The following USP37 variants were observed in gnomAD, a reference collection of about 807,000 sequenced individuals.
USP37 encodes ubiquitin specific peptidase 37.
USP37 carries 27 observed loss-of-function variants against 124.0 expected under a neutral mutation model. The ratio of observed to expected loss-of-function variants is 0.22; its 90% CI spans 0.16 to 0.30. The LOEUF is 0.30. USP37 is among the 10% of genes least tolerant of loss of function. USP37 has a pLI of 1.00. For missense variants in USP37, 889 were observed against 1,140.4 expected, an observed-to-expected ratio of 0.78 and a Z score of 3.17; for synonymous variants, 365 against 388.0, an observed-to-expected ratio of 0.94 and a Z score of 0.70.
At chr2:218,557,857 G>C (rs1019530622) in intron 4 of USP37, among the ~76,000 whole-genome samples, 8 of 135,050 alleles carry the variant, frequency 5.9e-5, no homozygotes, top group Non-Finnish European at 1.1e-4. Context: ...CTTGAACCCG[G>C]GAGGCAGAGG....
At chr2:218,482,388 GT>G (rs1275888967) in intron 16 of USP37, among the ~76,000 whole-genome samples, 154 bp from the exon 17 acceptor site, 2 of 152,208 alleles carry the variant, frequency 1.3e-5, no homozygotes, top group African/African-American at 4.8e-5. Context: ...CTGAATACCT[GT>G]TAGTGCCAGG....
intron 10 of USP37, among the ~76,000 whole-genome samples, chr2:218,517,630 C>T (rs551465559): frequency 8.2e-4 from 125 of 152,196 alleles, no homozygotes; most frequent in African/African-American, 2.8e-3. Context: ...TGTTTTCTCC[C>T]GGTTGCTTTT....
At chr2:218,521,721 A>T (rs1690632040) in intron 10 of USP37, among the ~76,000 whole-genome samples, 1 of 152,142 alleles carries the variant, frequency 6.6e-6, no homozygotes. Context: ...CACCTGACTA[A>T]AAAGTCTGGA....
chr2:218,512,961 T>G (rs952086951), intron 10 of USP37, among the ~76,000 whole-genome samples: 1 of 152,136 alleles, frequency 6.6e-6, no homozygotes, highest in South Asian at 2.1e-4. Context: ...TGATTTGGGT[T>G]ATTTCTTGAA....
chr2:218,528,689 A>C, intron 10 of USP37: 1 of 429,690 alleles, frequency 2.3e-6, no homozygotes, highest in African/African-American at 2.0e-5. Context: ...GGCATTTGCC[A>C]TTACCCTCAC....
Position 218,461,412 on chromosome 2 carries a change from A to C in USP37, c.2528-1507T>G, listed in dbSNP as rs372226780. Among the ~76,000 whole-genome samples the C allele has an allele frequency of 2.0e-5, 3 of 152,148 alleles. No individual in the cohort carries two copies. In the East Asian group the frequency reaches 5.8e-4, roughly 29 times the overall value. On this transcript the variant is annotated intron_variant, in intron 22 of 25. Transcript: ENST00000258399. ...TCCCAGCTACTTGGGAGGCTGAGGC[A>C]GGAGAATCGCTTGAACTCAGGAGGC...
At chr2:218,552,601 G>GA (rs1256473359) in intron 5 of USP37, among the ~76,000 whole-genome samples, 1 of 148,804 alleles carries the variant, frequency 6.7e-6, no homozygotes, top group African/African-American at 2.5e-5. Flanking sequence ...AAAAGAAAAA[G>GA]AAAAAGAGAA....
Position 218,482,240 on chromosome 2 carries a change from A to C in USP37, c.1671-6T>G, listed in dbSNP as rs755764987. The C allele has an allele frequency of 2.5e-6, 4 of 1,606,136 alleles. No individual in the cohort carries two copies. The highest frequency in any genetic ancestry group is 3.4e-6 in the Non-Finnish European group (4 of 1,174,858). Reference sequence around the variant, plus strand: ...TCAAATGGAGAATGAGGACCCTGAAAAACAGGAGATGACAACCTTACTAAT... The same window carrying C: ...TCAAATGGAGAATGAGGACCCTGAACAACAGGAGATGACAACCTTACTAAT... On this transcript the variant is annotated splice_polypyrimidine_tract_variant and splice_region_variant and intron_variant, in intron 16 of 25. Coordinates refer to ENST00000258399, the MANE Select transcript of USP37 (RefSeq NM_020935.3).
chr2:218,485,003 T>C (rs545741525), intron 16 of USP37, among the ~76,000 whole-genome samples: 1 of 152,336 alleles, frequency 6.6e-6, no homozygotes, highest in Admixed American at 6.5e-5. Context: ...AATTTACTAA[T>C]TTATAAGATC....
chr2:218,523,775 A>T (rs1038169226), intron 10 of USP37, among the ~76,000 whole-genome samples: 7 of 152,112 alleles, frequency 4.6e-5, no homozygotes, highest in African/African-American at 1.7e-4. Flanking sequence ...TTAAATATTT[A>T]ACAGATCACA....
intron 9 of USP37, 84 bp from the exon 10 acceptor site, chr2:218,530,124 C>G: frequency 1.0e-6 from 1 of 969,350 alleles, no homozygotes; most frequent in South Asian, 2.0e-5. Flanking sequence ...TACATTAGTC[C>G]TGATTATATT....
intron 1 of USP37, 123 bp downstream of exon 1, chr2:218,568,055 T>C (rs1453433397): frequency 6.6e-6 from 1 of 152,220 alleles, no homozygotes; most frequent in African/African-American, 2.4e-5. Flanking sequence ...CGAGGGGTTG[T>C]GGGCGGGCTG....
At chr2:218,468,453 C>T (rs1032430696) in intron 20 of USP37, among the ~76,000 whole-genome samples, 2 of 152,036 alleles carry the variant, frequency 1.3e-5, no homozygotes, top group Admixed American at 6.6e-5. Context: ...GAACTCCTGA[C>T]GTCAGGTGAT....
chr2:218,507,695 A>G (rs1689754970), intron 11 of USP37, among the ~76,000 whole-genome samples: 1 of 152,052 alleles, frequency 6.6e-6, no homozygotes, highest in Non-Finnish European at 1.5e-5. Context: ...ATGGAGGTGG[A>G]GGGAGGGGAA....
chr2:218,537,055 CTA>C (rs975533372), intron 8 of USP37, among the ~76,000 whole-genome samples: 2 of 152,010 alleles, frequency 1.3e-5, no homozygotes, highest in African/African-American at 4.8e-5. Flanking sequence ...CGTAATATAA[CTA>C]AAAAAATTTA....
At chr2:218,516,940 T>C (rs1220600983) in intron 10 of USP37, among the ~76,000 whole-genome samples, 1 of 152,246 alleles carries the variant, frequency 6.6e-6, no homozygotes, top group Non-Finnish European at 1.5e-5. Context: ...CAAAGGTTCA[T>C]ACTAGCTTTC....
In USP37 at chr2:218,454,909, G is replaced by C. The variant is rs1689608254; in HGVS notation, c.*21C>G. ...CAGTAACAAATATGCAGTGCATGCT[G>C]CCAACCCAGGAGTTTGTTCCTCACA... is the stretch of plus-strand genomic sequence containing the variant. On this transcript the variant is annotated 3_prime_UTR_variant, in exon 26 of 26. Transcript: ENST00000258399. 6.2e-7 allele frequency: 1 copy of C among 1,612,276 alleles called. No homozygotes were observed. The highest frequency in any genetic ancestry group is 1.7e-5 in the Admixed American group (1 of 59,136).
chr2:218,469,814 C>CTTTTTTT (rs71064451), intron 20 of USP37, among the ~76,000 whole-genome samples: 3 of 64,644 alleles, frequency 4.6e-5, no homozygotes, highest in African/African-American at 6.2e-5. Flanking sequence ...ACTCAACATT[C>CTTTTTTT]TTTTTTTTTT....
chr2:218,518,828 C>T (rs767106119), intron 10 of USP37, among the ~76,000 whole-genome samples: 60 of 152,058 alleles, frequency 3.9e-4, no homozygotes, highest in Non-Finnish European at 6.3e-4. Context: ...TCTTTTTTCT[C>T]CAATTAAGCC....
Sources: gnomAD v4.1 joint callset for allele counts (sites outside exome capture counted in the v4.1 genomes callset) on GRCh38, gnomAD v4.1.1 for gene constraint, MANE v1.5 for transcripts, NCBI Gene and HGNC (gene_info 2026-07-23, HGNC 2026-07-21) for gene names.